ARL6IP1: variants seen among roughly 807,000 people sequenced by gnomAD.
The protein encoded by ARL6IP1 is ADP-ribosylation factor-like protein 6-interacting protein 1.
Under a neutral mutation model 30.1 loss-of-function variants are expected in ARL6IP1, and 16 were observed. The observed-to-expected ratio is 0.53, with a 90% CI of 0.36 to 0.81. The LOEUF is 0.81. Among genes scored for constraint, ARL6IP1 ranks in the 30% least tolerant of loss-of-function variants. The pLI is 0.01. For missense variants in ARL6IP1, 173 were observed against 242.7 expected (o/e 0.71, Z 1.91); for synonymous variants, 72 against 84.8 (o/e 0.85, Z 0.83).
chr16:18,798,590 A>G, intron 2 of ARL6IP1, 111 bp downstream of exon 2: 2 of 1,169,936 alleles, frequency 1.7e-6, no homozygotes. Context: ...TGGGTTCTTT[A>G]TGGGTTATAT....
Position 18,793,330 on chromosome 16 carries a change from T to C in ARL6IP1, c.534A>G (p.Gly178=). The C allele has an allele frequency of 1.2e-6, 2 of 1,613,336 alleles. No individual in the cohort carries two copies. The highest frequency in any genetic ancestry group is 1.7e-6 in the Non-Finnish European group (2 of 1,179,826). ...CCATTCCAATGTACTTCAAAATGATTCCATGTTGGTTTAGTCCAGGAAGCA... is the reference window on the plus strand; with the variant it reads ...CCATTCCAATGTACTTCAAAATGATCCCATGTTGGTTTAGTCCAGGAAGCA... ...LLLLPGLNQH[G]IILKYIGMAK... Residue 178 remains glycine (G), a synonymous_variant, in exon 6 of 6, where the codon GGA becomes GGG. Coordinates refer to ENST00000304414, the MANE Select transcript of ARL6IP1 (RefSeq NM_015161.3).
chr16:18,792,356 A>G lies in ARL6IP1; in HGVS notation c.*896T>C, dbSNP rs2030092609. On this transcript the variant is annotated 3_prime_UTR_variant, in exon 6 of 6. Transcript: ENST00000304414. Reference sequence around the variant, plus strand: ...CTTATTCTGGTCTCAAAAATTAGATAAGATTATCTTCTACTGAAATGAATA... The same window carrying G: ...CTTATTCTGGTCTCAAAAATTAGATGAGATTATCTTCTACTGAAATGAATA... 6.6e-6 allele frequency: 1 copy of G among 152,252 alleles called. No homozygotes were observed. Among genetic ancestry groups the G allele is most frequent in the Non-Finnish European group, 1.5e-5 (1 of 68,040 alleles). The allele number at this position is 152,252 out of a possible 1,614,324, so 9.4% of individuals were successfully genotyped here.
In ARL6IP1 at chr16:18,791,815, A is replaced by C. The variant is rs2030077322; in HGVS notation, c.*1437T>G. On this transcript the variant is annotated 3_prime_UTR_variant, in exon 6 of 6. Coordinates refer to ENST00000304414, the MANE Select transcript of ARL6IP1 (RefSeq NM_015161.3). ...TAGGAAGACAGGCTTATTTACAATG[A>C]AAGTAAGGTAAAATTAACGTAGTTT... The C allele has an allele frequency of 6.6e-6, 1 of 152,610 alleles. No individual in the cohort carries two copies. The highest frequency in any genetic ancestry group is 2.1e-4 in the South Asian group (1 of 4,834). 9.5% of individuals were successfully genotyped at this position (152,610 alleles called of 1,614,324 possible).
chr16:18,801,227 G>C, intron 1 of ARL6IP1: 2 of 1,414,754 alleles, frequency 1.4e-6, no homozygotes, highest in South Asian at 1.5e-5. Flanking sequence ...CGCCCTCCTC[G>C]CCCCGTCGCG....
chr16:18,798,957 T>A lies in ARL6IP1; in HGVS notation c.37-123A>T, dbSNP rs534010773. 1.7e-5 allele frequency: 19 copies of A among 1,089,604 alleles called. No individual in the cohort carries two copies. In the African/African-American group the frequency reaches 2.6e-4, roughly 15 times the overall value. The allele number at this position is 1,089,604 out of a possible 1,614,324, so 67.5% of individuals were successfully genotyped here. ...AACCTCTTAACCAAATTGCCAATTT[T>A]AAACTAGTTGGTTTCTGAAAAACTG... On this transcript the variant is annotated intron_variant, in intron 1 of 5. Coordinates refer to ENST00000304414, the MANE Select transcript of ARL6IP1 (RefSeq NM_015161.3).
Position 18,793,228 on chromosome 16 carries a change from A to G in ARL6IP1, c.*24T>C, listed in dbSNP as rs1298948925. ...TCCCGGGGCAATGGGTGCTGCATTA[A>G]TCACACTGATTAAAGCAGATGAATC... On this transcript the variant is annotated 3_prime_UTR_variant, in exon 6 of 6. Coordinates refer to ENST00000304414, the MANE Select transcript of ARL6IP1 (RefSeq NM_015161.3). The G allele has an allele frequency of 5.9e-6, 9 of 1,516,242 alleles. No individual in the cohort carries two copies. Among genetic ancestry groups the G allele is most frequent in the Non-Finnish European group, 6.4e-6 (7 of 1,095,994 alleles). The allele number at this position is 1,516,242 out of a possible 1,614,324, so 93.9% of individuals were successfully genotyped here. A position where few individuals can be genotyped will look rare whatever the true frequency, so the allele number is the denominator to read the frequency against.
rs1007695291 is a variant in ARL6IP1, at chr16:18,792,623, G to A, written c.*629C>T. ...AAGCCTGTCAGACATTCCTTTTCTT[G>A]GACAAAAAGATCAAAGTTTCCTACA... is the stretch of plus-strand genomic sequence containing the variant. On this transcript the variant is annotated 3_prime_UTR_variant, in exon 6 of 6. Transcript: ENST00000304414. 1 of 152,572 alleles carries A rather than the reference G, an allele frequency of 6.6e-6. No individual in the cohort carries two copies. Among genetic ancestry groups the A allele is most frequent in the African/African-American group, 2.4e-5 (1 of 41,412 alleles). The allele number at this position is 152,572 out of a possible 1,614,324, so 9.5% of individuals were successfully genotyped here.
At chr16:18,801,162 C>T in intron 1 of ARL6IP1, 3 of 1,382,416 alleles carry the variant, frequency 2.2e-6, no homozygotes, top group Non-Finnish European at 2.8e-6. Context: ...GCTAGTGTCG[C>T]AGCCCCTCTG....
At position 18,793,280 on chromosome 16, in the gene ARL6IP1, A is replaced by G; in HGVS notation, c.584T>C (p.Leu195Pro). ...GMAKREINKLLKQKEKKNE is the reference protein window; with the variant it reads ...GMAKREINKLPKQKEKKNE ...TTCGTTTTTCTTTTCTTTTTGTTTG[A>G]GAAGTTTGTTTATCTCCCTCTTGGC... The change falls in exon 6 of 6, where the codon CTC (leucine) becomes CCC (proline). Residue 195 changes from leucine to proline, a missense_variant. Leu to Pro is a moderately conservative substitution (Grantham distance 98). Transcript: ENST00000304414. The G allele has an allele frequency of 6.2e-7, 1 of 1,612,046 alleles. No homozygotes were observed. The highest frequency in any genetic ancestry group is 8.5e-7 in the Non-Finnish European group (1 of 1,179,202).
chr16:18,793,243 G>T lies in ARL6IP1; in HGVS notation c.*9C>A. On this transcript the variant is annotated 3_prime_UTR_variant, in exon 6 of 6. Transcript: ENST00000304414. Reference sequence around the variant, plus strand: ...TGCTGCATTAATCACACTGATTAAAGCAGATGAATCATTCGTTTTTCTTTT... The same window carrying T: ...TGCTGCATTAATCACACTGATTAAATCAGATGAATCATTCGTTTTTCTTTT... 1 of 1,575,358 alleles carries T rather than the reference G, an allele frequency of 6.3e-7. No individual in the cohort carries two copies. The highest frequency in any genetic ancestry group is 8.7e-7 in the Non-Finnish European group (1 of 1,147,190).
chr16:18,801,252 A>C, intron 1 of ARL6IP1, 179 bp downstream of exon 1: 3 of 1,423,692 alleles, frequency 2.1e-6, no homozygotes, highest in Middle Eastern at 2.6e-4. Flanking sequence ...GTCCCCAGGA[A>C]AGGTAAGGGT....
chr16:18,799,967 G>A (rs767360129), intron 1 of ARL6IP1, among the ~76,000 whole-genome samples: 3 of 152,176 alleles, frequency 2.0e-5, no homozygotes, highest in South Asian at 2.1e-4. Context: ...AGCACTTGGC[G>A]GGTCGGGGGG....
At position 18,791,866 on chromosome 16, in the gene ARL6IP1, A is replaced by G. The variant is rs561836545; in HGVS notation, c.*1386T>C. On this transcript the variant is annotated 3_prime_UTR_variant, in exon 6 of 6. Coordinates refer to ENST00000304414, the MANE Select transcript of ARL6IP1 (RefSeq NM_015161.3). ...TCTTATGAAATAATAAAAAAAAATC[A>G]AACATATGCTACAATGGGCACCACT... 6.5e-5 allele frequency: 10 copies of G among 152,758 alleles called. No individual in the cohort carries two copies. The highest frequency in any genetic ancestry group is 1.9e-4 in the African/African-American group (8 of 41,578). The allele number at this position is 152,758 out of a possible 1,614,324, so 9.5% of individuals were successfully genotyped here.
rs1201049982 is a variant in ARL6IP1, at chr16:18,795,520, T to C, written c.352A>G (p.Arg118Gly). 1 of 1,613,840 alleles carries C rather than the reference T, an allele frequency of 6.2e-7. No homozygotes were observed. The highest frequency in any genetic ancestry group is 8.5e-7 in the Non-Finnish European group (1 of 1,179,944). ...AGGCGTTTCCACCAACCCACAGCTC[T>C]GCGTCGAGTTTTTACTAGATTGCTG... ...ICSNLVKTRR[R>G]AVGWWKRLFT... is the part of the protein sequence containing the mutation. The change falls in exon 4 of 6, where the codon AGA (arginine) becomes GGA (glycine). Residue 118 changes from arginine to glycine, a missense_variant. Arg to Gly is a moderately radical substitution (Grantham distance 125). Coordinates refer to ENST00000304414, the MANE Select transcript of ARL6IP1 (RefSeq NM_015161.3).
chr16:18,795,589 A>G lies in ARL6IP1; in HGVS notation c.291-8T>C, dbSNP rs2030206543. 6.2e-7 allele frequency: 1 copy of G among 1,607,866 alleles called. No individual in the cohort carries two copies. The highest frequency in any genetic ancestry group is 2.2e-5 in the East Asian group (1 of 44,858). On this transcript the variant is annotated splice_polypyrimidine_tract_variant and splice_region_variant and intron_variant, in intron 3 of 5. Transcript: ENST00000304414. Reference sequence around the variant, plus strand: ...TGCTGTTGTTCAGTGGTCCTAGAAAAGAAATTTGCCTTTTGCTATAAACAA... The same window carrying G: ...TGCTGTTGTTCAGTGGTCCTAGAAAGGAAATTTGCCTTTTGCTATAAACAA...
Position 18,793,038 on chromosome 16 carries a change from T to C in ARL6IP1, c.*214A>G, listed in dbSNP as rs1032786909. 2.5e-5 allele frequency: 10 copies of C among 396,978 alleles called. No homozygotes were observed. The highest frequency in any genetic ancestry group is 4.1e-5 in the Non-Finnish European group (9 of 221,376). 24.6% of individuals were successfully genotyped at this position (396,978 alleles called of 1,614,324 possible). ...AGTCAAAACACTAATGAGTTGTCCATGAAGCCAACTGCTAAGAACGCGCTC... is the reference window on the plus strand; with the variant it reads ...AGTCAAAACACTAATGAGTTGTCCACGAAGCCAACTGCTAAGAACGCGCTC... On this transcript the variant is annotated 3_prime_UTR_variant, in exon 6 of 6. Coordinates refer to ENST00000304414, the MANE Select transcript of ARL6IP1 (RefSeq NM_015161.3).
intron 3 of ARL6IP1, 152 bp downstream of exon 3, chr16:18,797,773 G>T (rs2141872324): frequency 1.1e-6 from 1 of 948,252 alleles, no homozygotes; most frequent in Non-Finnish European, 1.6e-6. Flanking sequence ...ATTCAAATCA[G>T]TTACAATATT....
At chr16:18,798,466 CT>C (rs1273539244) in intron 2 of ARL6IP1, 19 of 456,586 alleles carry the variant, frequency 4.2e-5, no homozygotes, top group Middle Eastern at 5.9e-4. Context: ...GTTTAAGTGT[CT>C]GGAGGACAAA....
chr16:18,795,753 C>G (rs1303948888), intron 3 of ARL6IP1, among the ~76,000 whole-genome samples, 172 bp from the exon 4 acceptor site: 1 of 152,064 alleles, frequency 6.6e-6, no homozygotes, highest in Non-Finnish European at 1.5e-5. Context: ...CCTTTTATAG[C>G]ACAGGAGTAA....
Sources: allele counts gnomAD v4.1 joint callset (sites outside exome capture counted in the v4.1 genomes callset), GRCh38; gene constraint gnomAD v4.1.1; transcripts MANE v1.5; gene names NCBI Gene and HGNC (gene_info 2026-07-23, HGNC 2026-07-21).